KCND2: variants seen among roughly 807,000 people sequenced by gnomAD.
KCND2 encodes the protein potassium voltage-gated channel subfamily D member 2.
In KCND2, 16 loss-of-function variants were observed where a neutral mutation model predicts 54.4. The ratio of observed to expected loss-of-function variants is 0.29; its 90% CI spans 0.20 to 0.45. KCND2 has a LOEUF of 0.45. Among genes scored for constraint, KCND2 ranks in the 20% least tolerant of loss-of-function variants. KCND2 has a pLI of 1.00. For missense variants in KCND2, 486 were observed against 824.2 expected (o/e 0.59, Z 5.02); for synonymous variants, 317 against 310.7 (o/e 1.02, Z -0.21).
chr7:120,421,426 A>G (rs1446554782), intron 1 of KCND2, among the ~76,000 whole-genome samples: 2 of 152,244 alleles, frequency 1.3e-5, no homozygotes, highest in Non-Finnish European at 2.9e-5. Flanking sequence ...CTGCACACAC[A>G]CAACACTCTC....
intron 1 of KCND2, among the ~76,000 whole-genome samples, chr7:120,599,409 G>C (rs1294779508): frequency 6.6e-6 from 1 of 151,882 alleles, no homozygotes; most frequent in African/African-American, 2.4e-5. Context: ...TAAATTATTT[G>C]ACAGGCTTGG....
At chr7:120,479,347 A>G (rs975060161) in intron 1 of KCND2, among the ~76,000 whole-genome samples, 5 of 152,094 alleles carry the variant, frequency 3.3e-5, no homozygotes, top group African/African-American at 1.2e-4. Context: ...TTTATATTTC[A>G]ATTAAACATT....
intron 1 of KCND2, among the ~76,000 whole-genome samples, chr7:120,645,210 G>A (rs1403450596): frequency 6.6e-6 from 1 of 152,202 alleles, no homozygotes; most frequent in East Asian, 1.9e-4. Context: ...GTATAAGCCG[G>A]CCGCTTGATA....
chr7:120,699,962 A>G (rs1349810499), intron 1 of KCND2, among the ~76,000 whole-genome samples: 1 of 152,198 alleles, frequency 6.6e-6, no homozygotes, highest in Non-Finnish European at 1.5e-5. Context: ...TATTTCGGGC[A>G]TGGAGGAAGA....
At chr7:120,493,590 A>G (rs1035700661) in intron 1 of KCND2, among the ~76,000 whole-genome samples, 7 of 152,124 alleles carry the variant, frequency 4.6e-5, no homozygotes, top group African/African-American at 1.2e-4. Flanking sequence ...TCACAGAAAA[A>G]CACAGACACC....
At chr7:120,309,407 A>C (rs1033273668) in intron 1 of KCND2, among the ~76,000 whole-genome samples, 8 of 146,182 alleles carry the variant, frequency 5.5e-5, no homozygotes, top group Middle Eastern at 3.6e-3. Flanking sequence ...AGCAATGTGC[A>C]TGAGAATGAG....
chr7:120,390,345 T>C (rs1443397870), intron 1 of KCND2, among the ~76,000 whole-genome samples: 2 of 152,006 alleles, frequency 1.3e-5, no homozygotes, highest in Non-Finnish European at 2.9e-5. Flanking sequence ...GCAATGACGA[T>C]GAAGGTGATT....
chr7:120,659,984 G>A (rs17595350), intron 1 of KCND2, among the ~76,000 whole-genome samples: 8,610 of 152,190 alleles, frequency 0.057, 337 homozygotes, highest in Non-Finnish European at 0.083. Flanking sequence ...TGCAGAGACC[G>A]GTAAGAATAC....
intron 1 of KCND2, among the ~76,000 whole-genome samples, chr7:120,473,586 C>T (rs1802490674): frequency 6.6e-6 from 1 of 152,184 alleles, no homozygotes; most frequent in Non-Finnish European, 1.5e-5. Context: ...ACTCAAACAC[C>T]AACTCCTGCT....
intron 1 of KCND2, among the ~76,000 whole-genome samples, chr7:120,472,298 A>G (rs538043111): frequency 1.3e-5 from 2 of 152,110 alleles, no homozygotes; most frequent in African/African-American, 4.8e-5. Context: ...GGGGCAGGGC[A>G]GGATTCTTGC....
chr7:120,345,815 A>G (rs963751326), intron 1 of KCND2, among the ~76,000 whole-genome samples: 5 of 152,226 alleles, frequency 3.3e-5, no homozygotes, highest in Admixed American at 3.3e-4. Context: ...ATAACTGCAC[A>G]AACATCTCTT....
chr7:120,528,038 C>A (rs1162679018), intron 1 of KCND2, among the ~76,000 whole-genome samples: 1 of 152,114 alleles, frequency 6.6e-6, no homozygotes. Context: ...TTGTACTATA[C>A]AATAAGCTAT....
intron 1 of KCND2, among the ~76,000 whole-genome samples, chr7:120,684,691 G>A (rs1792179947): frequency 6.6e-6 from 1 of 152,132 alleles, no homozygotes. Context: ...AGCAGGAGGT[G>A]AGCAGAGGGC....
At chr7:120,608,751 A>G (rs1242885463) in intron 1 of KCND2, among the ~76,000 whole-genome samples, 1 of 152,146 alleles carries the variant, frequency 6.6e-6, no homozygotes, top group African/African-American at 2.4e-5. Context: ...ATATAGCACC[A>G]AAACACCTCA....
At chr7:120,501,480 A>G (rs1031456746) in intron 1 of KCND2, among the ~76,000 whole-genome samples, 1 of 152,172 alleles carries the variant, frequency 6.6e-6, no homozygotes, top group Non-Finnish European at 1.5e-5. Context: ...ACATTTGCCA[A>G]TGCAATGGCA....
intron 1 of KCND2, among the ~76,000 whole-genome samples, chr7:120,455,674 T>C (rs1294888115): frequency 2.0e-5 from 3 of 152,132 alleles, no homozygotes; most frequent in Admixed American, 2.0e-4. Context: ...TGAGATCATG[T>C]TTTTTGCAGC....
intron 1 of KCND2, among the ~76,000 whole-genome samples, chr7:120,415,426 C>G (rs1419163780): frequency 6.6e-6 from 1 of 152,220 alleles, no homozygotes; most frequent in Non-Finnish European, 1.5e-5. Context: ...CACTCCTTAT[C>G]CCAGAGTTAT....
chr7:120,576,828 A>G (rs1792440404), intron 1 of KCND2, among the ~76,000 whole-genome samples: 1 of 152,188 alleles, frequency 6.6e-6, no homozygotes, highest in Admixed American at 6.5e-5. Flanking sequence ...ATATACAAAA[A>G]TGTAATAATG....
chr7:120,616,577 C>T (rs1434442775), intron 1 of KCND2, among the ~76,000 whole-genome samples: 1 of 152,104 alleles, frequency 6.6e-6, no homozygotes, highest in African/African-American at 2.4e-5. Context: ...TTCCCAGATA[C>T]AGATCATTAT....
Sources: gnomAD v4.1 joint callset for allele counts (sites outside exome capture counted in the v4.1 genomes callset) on GRCh38, gnomAD v4.1.1 for gene constraint, MANE v1.5 for transcripts, NCBI Gene and HGNC (gene_info 2026-07-23, HGNC 2026-07-21) for gene names.